Variants in GRIN2A observed in about 807,000 individuals in gnomAD.
The protein encoded by GRIN2A is glutamate receptor ionotropic, NMDA 2A.
Under a neutral mutation model 113.4 loss-of-function variants are expected in GRIN2A, and 22 were observed. The observed-to-expected ratio is 0.19, with a 90% CI of 0.14 to 0.28. The LOEUF (loss-of-function observed/expected upper bound fraction) is 0.28. GRIN2A is among the 10% of genes least tolerant of loss of function. GRIN2A has a pLI of 1.00. For synonymous variants in GRIN2A, 827 were observed against 738.4 expected (o/e 1.12, Z -1.94); for missense variants, 1,502 against 1,887.0 (o/e 0.80, Z 3.78).
chr16:10,035,238 C>T (rs2047003107), intron 2 of GRIN2A, among the ~76,000 whole-genome samples: 1 of 152,082 alleles, frequency 6.6e-6, no homozygotes, highest in Non-Finnish European at 1.5e-5. Flanking sequence ...ATTGCTCACT[C>T]TGGTCTTAAA....
chr16:10,040,137 C>CCACACACTA (rs927058701), intron 2 of GRIN2A, among the ~76,000 whole-genome samples: 2 of 103,308 alleles, frequency 1.9e-5, no homozygotes. Flanking sequence ...CACATTCACA[C>CCACACACTA]CACACATACA....
At chr16:9,957,400 C>G (rs2045332713) in intron 2 of GRIN2A, among the ~76,000 whole-genome samples, 1 of 152,234 alleles carries the variant, frequency 6.6e-6, no homozygotes, top group Non-Finnish European at 1.5e-5. Context: ...GAAGAACAAG[C>G]TCTTTCACTT....
At chr16:9,896,202 A>G (rs2043801989) in intron 3 of GRIN2A, among the ~76,000 whole-genome samples, 1 of 152,096 alleles carries the variant, frequency 6.6e-6, no homozygotes, top group Non-Finnish European at 1.5e-5. Context: ...GGTACCTGCC[A>G]CCACTCCCGG....
intron 2 of GRIN2A, among the ~76,000 whole-genome samples, chr16:9,969,951 G>A (rs1327729474): frequency 6.6e-6 from 1 of 152,196 alleles, no homozygotes; most frequent in African/African-American, 2.4e-5. Flanking sequence ...TAGACCTACT[G>A]AATTAGAATT....
chr16:9,930,648 G>C (rs2044568263), intron 3 of GRIN2A, among the ~76,000 whole-genome samples: 1 of 152,186 alleles, frequency 6.6e-6, no homozygotes, highest in African/African-American at 2.4e-5. Flanking sequence ...TATTTGCAAA[G>C]AGTTAATCAC....
chr16:9,973,187 G>A (rs1184622750), intron 2 of GRIN2A, among the ~76,000 whole-genome samples: 1 of 152,148 alleles, frequency 6.6e-6, no homozygotes, highest in Non-Finnish European at 1.5e-5. Context: ...GGGAGGTTTA[G>A]AGTCTTGCAG....
chr16:9,907,209 G>A (rs770948108), intron 3 of GRIN2A, among the ~76,000 whole-genome samples: 69 of 152,178 alleles, frequency 4.5e-4, no homozygotes, highest in South Asian at 1.4e-3. Context: ...TTTGTGCACA[G>A]GTTTTTGTGT....
At chr16:10,111,555 G>T (rs7188171) in intron 2 of GRIN2A, 196,430 of 803,428 alleles carry the variant, frequency 0.24, 25,827 homozygotes, top group East Asian at 0.41. Flanking sequence ...TGACCCGGAA[G>T]ATCATGCTGA....
intron 2 of GRIN2A, chr16:10,031,689 A>C (rs577827907): frequency 6.6e-6 from 1 of 152,358 alleles, no homozygotes; most frequent in African/African-American, 2.4e-5. Context: ...ATGCTTCTGG[A>C]AGGTAAATCT....
At chr16:9,765,730 A>T (rs1411955820) in intron 12 of GRIN2A, among the ~76,000 whole-genome samples, 1 of 152,138 alleles carries the variant, frequency 6.6e-6, no homozygotes. Flanking sequence ...TAATCGACTC[A>T]ATCTATTCCT....
At chr16:9,886,119 G>C (rs2043581577) in intron 4 of GRIN2A, among the ~76,000 whole-genome samples, 1 of 152,180 alleles carries the variant, frequency 6.6e-6, no homozygotes, top group Non-Finnish European at 1.5e-5. Context: ...CCTGCTCCAG[G>C]ACTGGTTAAA....
rs1900468721 is a variant in GRIN2A at position 9,758,987 on chromosome 16, C to A, written c.*4162G>T. ...TACTCAAACTTCTTTTTCTTTGAGT[C>A]CAATCATGTCTACTATAGCCATGGT... is the stretch of plus-strand genomic sequence containing the variant. On this transcript the variant is annotated 3_prime_UTR_variant, in exon 13 of 13. Transcript: ENST00000330684. The A allele has an allele frequency of 4.5e-6, 1 of 222,636 alleles. No individual in the cohort carries two copies. The allele number at this position is 222,636 out of a possible 1,614,324, so 13.8% of individuals were successfully genotyped here. A position where few individuals can be genotyped will look rare whatever the true frequency, so the allele number is the denominator to read the frequency against.
intron 2 of GRIN2A, among the ~76,000 whole-genome samples, chr16:10,115,661 G>A (rs572789594): frequency 1.4e-4 from 21 of 152,204 alleles, no homozygotes; most frequent in Non-Finnish European, 2.8e-4. Context: ...AGATATTCCT[G>A]AGACCCAACT....
At chr16:9,784,155 T>G (rs1234371955) in intron 11 of GRIN2A, among the ~76,000 whole-genome samples, 1 of 151,858 alleles carries the variant, frequency 6.6e-6, no homozygotes, top group Non-Finnish European at 1.5e-5. Context: ...TATGGCTGGG[T>G]GTGGTGGCTC....
chr16:9,864,651 G>A (rs1224879132), intron 4 of GRIN2A, among the ~76,000 whole-genome samples: 1 of 152,136 alleles, frequency 6.6e-6, no homozygotes, highest in Non-Finnish European at 1.5e-5. Context: ...TCTCAGCCCT[G>A]AACATTCAAA....
At chr16:10,038,388 T>C (rs375949630) in intron 2 of GRIN2A, among the ~76,000 whole-genome samples, 1 of 152,144 alleles carries the variant, frequency 6.6e-6, no homozygotes, top group South Asian at 2.1e-4. Context: ...TCTAGACCTG[T>C]GTTTCTTAAC....
intron 2 of GRIN2A, chr16:10,179,505 T>C (rs2050215255): frequency 5.8e-6 from 1 of 173,890 alleles, no homozygotes; most frequent in African/African-American, 2.4e-5. Flanking sequence ...AACTTTGCAT[T>C]TTCTTCCAGA....
At chr16:10,099,554 G>C (rs1256267623) in intron 2 of GRIN2A, among the ~76,000 whole-genome samples, 1 of 152,178 alleles carries the variant, frequency 6.6e-6, no homozygotes, top group Non-Finnish European at 1.5e-5. Context: ...TCACAAGGAT[G>C]ATACTATCTG....
intron 2 of GRIN2A, among the ~76,000 whole-genome samples, chr16:9,989,924 ACTG>A (rs1431789201): frequency 6.6e-6 from 1 of 152,220 alleles, no homozygotes; most frequent in East Asian, 1.9e-4. Flanking sequence ...ATATTTATAC[ACTG>A]CTGGTGGGAA....
Sources: allele counts gnomAD v4.1 joint callset (sites outside exome capture counted in the v4.1 genomes callset), GRCh38; gene constraint gnomAD v4.1.1; transcripts MANE v1.5; gene names NCBI Gene and HGNC (gene_info 2026-07-23, HGNC 2026-07-21).